Variants in NCAM2 observed in about 807,000 individuals in gnomAD.
NCAM2 encodes the protein N-CAM-2.
Under a neutral mutation model 98.1 loss-of-function variants are expected in NCAM2, and 30 were observed. The ratio of observed to expected loss-of-function variants is 0.31; its 90% CI spans 0.23 to 0.41. The LOEUF is 0.41. NCAM2 is among the 10% of genes least tolerant of loss of function. NCAM2 has a pLI of 1.00. For synonymous variants in NCAM2, 368 were observed against 342.4 expected, an observed-to-expected ratio of 1.07 and a Z score of -0.83; for missense variants, 867 against 1,005.8, an observed-to-expected ratio of 0.86 and a Z score of 1.87.
At chr21:21,135,346 T>G (rs1413916534) in intron 1 of NCAM2, among the ~76,000 whole-genome samples, 1 of 152,132 alleles carries the variant, frequency 6.6e-6, no homozygotes, top group Non-Finnish European at 1.5e-5. Flanking sequence ...TTGCCAGTTG[T>G]ATTTCATTTT....
At chr21:21,170,897 C>T (rs1341389414) in intron 1 of NCAM2, among the ~76,000 whole-genome samples, 1 of 152,006 alleles carries the variant, frequency 6.6e-6, no homozygotes, top group Non-Finnish European at 1.5e-5. Flanking sequence ...ACTTTCTTGT[C>T]AGCTTTGCTG....
At chr21:21,497,210 A>C (rs1297288419) in intron 15 of NCAM2, among the ~76,000 whole-genome samples, 1 of 152,134 alleles carries the variant, frequency 6.6e-6, no homozygotes, top group East Asian at 1.9e-4. Context: ...GGACTACTAG[A>C]GGATGGGGTG....
At chr21:21,091,326 T>A (rs911397828) in intron 1 of NCAM2, among the ~76,000 whole-genome samples, 1 of 152,330 alleles carries the variant, frequency 6.6e-6, no homozygotes, top group Non-Finnish European at 1.5e-5. Flanking sequence ...ACTTCTGGGT[T>A]ATTTATTTTT....
chr21:21,446,755 C>G (rs1980216057), intron 12 of NCAM2, among the ~76,000 whole-genome samples: 1 of 151,900 alleles, frequency 6.6e-6, no homozygotes, highest in African/African-American at 2.4e-5. Context: ...TTTACACCAA[C>G]AGTAGACAAG....
At chr21:21,134,340 G>T (rs897124827) in intron 1 of NCAM2, among the ~76,000 whole-genome samples, 9 of 152,060 alleles carry the variant, frequency 5.9e-5, no homozygotes, top group Non-Finnish European at 1.2e-4. Flanking sequence ...AAAGTGCTGG[G>T]TCTACAGGCA....
chr21:21,495,901 G>C (rs1450820704), intron 15 of NCAM2, among the ~76,000 whole-genome samples: 1 of 150,028 alleles, frequency 6.7e-6, no homozygotes, highest in East Asian at 1.9e-4. Flanking sequence ...TATTTTTTTT[G>C]CCAAGAGGTA....
intron 8 of NCAM2, among the ~76,000 whole-genome samples, chr21:21,366,570 C>G (rs561327347): frequency 2.2e-4 from 34 of 152,128 alleles, no homozygotes; most frequent in African/African-American, 7.9e-4. Context: ...CTGTAGGTCT[C>G]TTTTAAGTAT....
At chr21:21,019,464 G>A (rs2064383561) in intron 1 of NCAM2, among the ~76,000 whole-genome samples, 1 of 152,132 alleles carries the variant, frequency 6.6e-6, no homozygotes, top group South Asian at 2.1e-4. Context: ...CTTGCTGGAT[G>A]TGAGGTCTTC....
chr21:21,446,595 G>C (rs1355667981), intron 12 of NCAM2, among the ~76,000 whole-genome samples: 1 of 152,046 alleles, frequency 6.6e-6, no homozygotes, highest in Non-Finnish European at 1.5e-5. Flanking sequence ...CAAATAGGAA[G>C]AGAGGAAGTC....
At chr21:21,445,062 T>C (rs1268739116) in intron 12 of NCAM2, among the ~76,000 whole-genome samples, 1 of 152,040 alleles carries the variant, frequency 6.6e-6, no homozygotes, top group East Asian at 1.9e-4. Context: ...CAAATAACTT[T>C]TTAATTTTTG....
intron 1 of NCAM2, among the ~76,000 whole-genome samples, chr21:21,263,348 T>C (rs1199454319): frequency 6.6e-6 from 1 of 152,014 alleles, no homozygotes; most frequent in Non-Finnish European, 1.5e-5. Flanking sequence ...AAAACGCTGA[T>C]CAAAGAAATT....
intron 12 of NCAM2, among the ~76,000 whole-genome samples, chr21:21,444,144 T>TGG (rs1402774868): frequency 6.6e-6 from 1 of 152,188 alleles, no homozygotes; most frequent in Non-Finnish European, 1.5e-5. Flanking sequence ...TTTATTGATT[T>TGG]GTGTATGTTG....
At chr21:21,419,708 G>A (rs1325665986) in intron 11 of NCAM2, among the ~76,000 whole-genome samples, 1 of 151,956 alleles carries the variant, frequency 6.6e-6, no homozygotes, top group Admixed American at 6.6e-5. Flanking sequence ...TTTTATGGCT[G>A]CATAGTATTC....
At chr21:21,230,922 A>G (rs2147184365) in intron 1 of NCAM2, among the ~76,000 whole-genome samples, 1 of 151,418 alleles carries the variant, frequency 6.6e-6, no homozygotes, top group Admixed American at 6.6e-5. Flanking sequence ...GGTGACTGGA[A>G]TATTTTATTA....
intron 1 of NCAM2, among the ~76,000 whole-genome samples, chr21:21,170,874 G>T (rs1395743417): frequency 3.9e-5 from 6 of 152,074 alleles, no homozygotes; most frequent in Non-Finnish European, 1.5e-5. Flanking sequence ...AGGGCTATAT[G>T]GGAACTCTCT....
At chr21:21,288,878 G>T (rs570273626) in intron 4 of NCAM2, among the ~76,000 whole-genome samples, 1 of 151,992 alleles carries the variant, frequency 6.6e-6, no homozygotes, top group South Asian at 2.1e-4. Flanking sequence ...CTATGCTTTT[G>T]ATTGTAGCTG....
intron 6 of NCAM2, among the ~76,000 whole-genome samples, chr21:21,334,781 G>A (rs558941407): frequency 1.3e-5 from 2 of 152,128 alleles, no homozygotes; most frequent in African/African-American, 2.4e-5. Context: ...AGTAAAAAAT[G>A]TTTGAAAGCC....
intron 1 of NCAM2, among the ~76,000 whole-genome samples, chr21:21,254,570 C>A (rs746252488): frequency 6.6e-6 from 1 of 152,168 alleles, no homozygotes; most frequent in Non-Finnish European, 1.5e-5. Flanking sequence ...AAAAGGTGAA[C>A]TTTAATGTCT....
intron 12 of NCAM2, among the ~76,000 whole-genome samples, chr21:21,435,970 A>C (rs940561211): frequency 1.3e-5 from 2 of 152,178 alleles, no homozygotes; most frequent in Admixed American, 6.5e-5. Context: ...CCAGGGAAAG[A>C]AGCTGAGTAA....
Sources: gnomAD v4.1 joint callset for allele counts (sites outside exome capture counted in the v4.1 genomes callset) on GRCh38, gnomAD v4.1.1 for gene constraint, MANE v1.5 for transcripts, NCBI Gene and HGNC (gene_info 2026-07-23, HGNC 2026-07-21) for gene names.